Variants in NAF1 observed in about 807,000 individuals in gnomAD.
The protein encoded by NAF1 is nuclear assembly factor 1 ribonucleoprotein.
A neutral mutation model predicts 40.6 loss-of-function variants in NAF1; 11 were observed. The ratio of observed to expected loss-of-function variants is 0.27; its 90% CI spans 0.17 to 0.45. NAF1 has a LOEUF of 0.45. Among genes scored for constraint, NAF1 ranks in the 20% least tolerant of loss-of-function variants. The pLI is 1.00. For missense variants in NAF1, 607 were observed against 611.1 expected (o/e 0.99, Z 0.07); for synonymous variants, 260 against 228.5 (o/e 1.14, Z -1.24).
chr4:163,165,655 G>C (rs1435051541), intron 1 of NAF1, among the ~76,000 whole-genome samples: 2 of 152,008 alleles, frequency 1.3e-5, no homozygotes, highest in African/African-American at 4.8e-5. Flanking sequence ...TTGTTAACCT[G>C]TTCAGTACCC....
intron 2 of NAF1, 133 bp downstream of exon 2, chr4:163,164,084 A>G (rs1455552156): frequency 8.6e-6 from 10 of 1,158,470 alleles, no homozygotes; most frequent in Non-Finnish European, 1.1e-5. Flanking sequence ...GCCAAGGCAT[A>G]CCAAAAGCAT....
At chr4:163,154,007 GAGCTGTAACACTCACCGCGAAGGTCTGC>G (rs1336531931) in intron 2 of NAF1, among the ~76,000 whole-genome samples, 1 of 151,844 alleles carries the variant, frequency 6.6e-6, no homozygotes, top group Non-Finnish European at 1.5e-5. Flanking sequence ...GCCGCCTTAA[GAGCTGTAACACTCACCGCGAAGGTCTGC>G]AGCTTCACTC....
At chr4:163,124,232 T>A (rs1369381319), downstream of NAF1, among the ~76,000 whole-genome samples, 1 of 152,114 alleles carries the variant, frequency 6.6e-6, no homozygotes, top group Non-Finnish European at 1.5e-5. Flanking sequence ...TGCTGGGAAG[T>A]CAAGATGAAG....
intron 2 of NAF1, among the ~76,000 whole-genome samples, chr4:163,118,947 CTT>C (rs1730435290): frequency 6.6e-6 from 1 of 152,074 alleles, no homozygotes; most frequent in African/African-American, 2.4e-5. Flanking sequence ...ACTGAATCTA[CTT>C]TTTTATAAGG....
intron 6 of NAF1, 84 bp from the exon 7 acceptor site, chr4:163,133,340 C>T: frequency 2.0e-6 from 2 of 981,650 alleles, no homozygotes; most frequent in South Asian, 3.1e-5. Context: ...AGAAAATAAG[C>T]CTATTATGCA....
chr4:163,132,453 C>T (rs1730908122), intron 7 of NAF1, among the ~76,000 whole-genome samples: 1 of 152,170 alleles, frequency 6.6e-6, no homozygotes, highest in African/African-American at 2.4e-5. Context: ...CGCTCAGTGG[C>T]AAAAGCCTTT....
At chr4:163,110,211 C>T in exon 3 of NAF1, 1 of 674,392 alleles carries the variant, frequency 1.5e-6, no homozygotes, top group East Asian at 2.8e-5. Flanking sequence ...CCAGCCATAC[C>T]ATCATTTGAG....
At chr4:163,151,798 T>C (rs907453029) in intron 2 of NAF1, among the ~76,000 whole-genome samples, 2 of 152,168 alleles carry the variant, frequency 1.3e-5, no homozygotes, top group African/African-American at 4.8e-5. Context: ...TGAGATCACA[T>C]TTAATTACAG....
intron 2 of NAF1, among the ~76,000 whole-genome samples, chr4:163,116,112 C>A (rs1730329421): frequency 6.6e-6 from 1 of 152,140 alleles, no homozygotes; most frequent in South Asian, 2.1e-4. Flanking sequence ...AAAACTGACA[C>A]AATATGGCAA....
At chr4:163,159,627 C>G (rs1732137725) in intron 2 of NAF1, among the ~76,000 whole-genome samples, 1 of 151,904 alleles carries the variant, frequency 6.6e-6, no homozygotes, top group Non-Finnish European at 1.5e-5. Flanking sequence ...TCCATACATT[C>G]ACGTTAGGAC....
chr4:163,133,565 A>AG, intron 6 of NAF1: 1 of 255,358 alleles, frequency 3.9e-6, no homozygotes. Flanking sequence ...TAAGAGTATC[A>AG]AGGACTAAGC....
chr4:163,144,636 C>T (rs1329260889), intron 4 of NAF1, among the ~76,000 whole-genome samples: 1 of 152,170 alleles, frequency 6.6e-6, no homozygotes, highest in Non-Finnish European at 1.5e-5. Context: ...AAACTTGTCA[C>T]AAAGTCTTTC....
chr4:163,117,129 A>G (rs1465811918), intron 2 of NAF1, among the ~76,000 whole-genome samples: 1 of 151,828 alleles, frequency 6.6e-6, no homozygotes, highest in Non-Finnish European at 1.5e-5. Flanking sequence ...GGCTTTTCTC[A>G]GGTTTATCTT....
chr4:163,111,965 T>C (rs997707227), intron 2 of NAF1, among the ~76,000 whole-genome samples: 1 of 152,070 alleles, frequency 6.6e-6, no homozygotes, highest in Non-Finnish European at 1.5e-5. Flanking sequence ...GTAAAAGCCA[T>C]TGATGACTTT....
At chr4:163,153,419 A>T (rs1341256555) in intron 2 of NAF1, among the ~76,000 whole-genome samples, 1 of 152,178 alleles carries the variant, frequency 6.6e-6, no homozygotes, top group East Asian at 1.9e-4. Flanking sequence ...GCACCAATCG[A>T]CACTCTGTAT....
downstream of NAF1, among the ~76,000 whole-genome samples, chr4:163,123,870 T>C (rs552264941): frequency 6.6e-6 from 1 of 152,244 alleles, no homozygotes; most frequent in African/African-American, 2.4e-5. Context: ...ACTGTGTGAG[T>C]GGAACATTTT....
At chr4:163,112,765 T>C (rs1196416171) in intron 2 of NAF1, among the ~76,000 whole-genome samples, 1 of 152,232 alleles carries the variant, frequency 6.6e-6, no homozygotes, top group African/African-American at 2.4e-5. Flanking sequence ...GTTTCCATTT[T>C]CTCAGTACAA....
rs1177236853 is a variant in NAF1 at position 163,164,180 on chromosome 4, A to C, written c.540+37T>G. The C allele has an allele frequency of 2.0e-6, 3 of 1,469,048 alleles. No homozygotes were observed. The East Asian group carries it at 7.5e-5, about 37-fold the overall frequency. 91.0% of individuals were successfully genotyped at this position (1,469,048 alleles called of 1,614,324 possible). ...ATACTGGTACCAGAATACGTTTTAA[A>C]ACATGCAAACTAAGCTTAATAAATC... On this transcript the variant is annotated intron_variant, in intron 2 of 7. Transcript: ENST00000274054.
At chr4:163,105,154 G>A (rs1730033681), downstream of NAF1, among the ~76,000 whole-genome samples, 1 of 152,220 alleles carries the variant, frequency 6.6e-6, no homozygotes, top group African/African-American at 2.4e-5. Context: ...AGTTGGTGCA[G>A]AGGTTAAGAT....
Sources: gnomAD v4.1 joint callset for allele counts (sites outside exome capture counted in the v4.1 genomes callset) on GRCh38, gnomAD v4.1.1 for gene constraint, MANE v1.5 for transcripts, NCBI Gene and HGNC (gene_info 2026-07-23, HGNC 2026-07-21) for gene names.